TMEM63C: variants seen among roughly 807,000 people sequenced by gnomAD.
The protein encoded by TMEM63C is osmosensitive cation channel TMEM63C.
In TMEM63C, 32 loss-of-function variants were observed where a neutral mutation model predicts 99.2. The observed-to-expected ratio is 0.32, with a 90% CI of 0.24 to 0.43. The LOEUF is 0.43. TMEM63C is among the 20% of genes least tolerant of loss of function. TMEM63C has a pLI of 1.00. For missense variants in TMEM63C, 826 were observed against 1,053.0 expected (o/e 0.78, Z 2.98); for synonymous variants, 376 against 397.9 (o/e 0.94, Z 0.66).
At chr14:77,199,524 C>T (rs1042659608) in intron 1 of TMEM63C, among the ~76,000 whole-genome samples, 23 of 152,188 alleles carry the variant, frequency 1.5e-4, no homozygotes, top group Non-Finnish European at 2.4e-4. Context: ...TCTCATTTGT[C>T]CCTCTGCCTG....
At chr14:77,219,044 C>A in intron 3 of TMEM63C, 81 bp downstream of exon 3, 1 of 1,364,154 alleles carries the variant, frequency 7.3e-7, no homozygotes, top group South Asian at 1.6e-5. Flanking sequence ...GTGGGGGACC[C>A]AGTTGTCCAA....
intron 6 of TMEM63C, 24 bp downstream of exon 6, chr14:77,225,485 T>C (rs965798264): frequency 1.9e-6 from 3 of 1,611,950 alleles, no homozygotes; most frequent in Non-Finnish European, 8.5e-7. Context: ...CTCTGTGAGC[T>C]TGTGACCGTG....
At chr14:77,255,544 G>A (rs1329683064) in intron 23 of TMEM63C, among the ~76,000 whole-genome samples, 3 of 152,316 alleles carry the variant, frequency 2.0e-5, no homozygotes, top group East Asian at 3.9e-4. Flanking sequence ...TTTTCTGGCT[G>A]TTCATGATGT....
At chr14:77,223,935 G>A (rs1459124305) in intron 5 of TMEM63C, among the ~76,000 whole-genome samples, 3 of 152,108 alleles carry the variant, frequency 2.0e-5, no homozygotes, top group Non-Finnish European at 4.4e-5. Flanking sequence ...GACTCTTCAT[G>A]CAGGAGGGGT....
chr14:77,238,302 T>G (rs1463610666), intron 9 of TMEM63C, among the ~76,000 whole-genome samples: 1 of 152,148 alleles, frequency 6.6e-6, no homozygotes, highest in East Asian at 1.9e-4. Context: ...AGAGCAGAAA[T>G]CACTGTGGGG....
At chr14:77,219,755 A>C (rs1035323967) in intron 4 of TMEM63C, among the ~76,000 whole-genome samples, 178 bp downstream of exon 4, 2 of 152,164 alleles carry the variant, frequency 1.3e-5, no homozygotes, top group African/African-American at 4.8e-5. Flanking sequence ...ATCCCTGGGC[A>C]CAAGGCCGTG....
At chr14:77,251,683 G>C in intron 21 of TMEM63C, 106 bp from the exon 22 acceptor site, 1 of 848,656 alleles carries the variant, frequency 1.2e-6, no homozygotes, top group African/African-American at 1.7e-5. Context: ...GGACTGGCAA[G>C]GTCAAAGCCC....
At chr14:77,227,303 C>CAATGGGAGGGG (rs1888844761) in intron 6 of TMEM63C, among the ~76,000 whole-genome samples, 1 of 151,840 alleles carries the variant, frequency 6.6e-6, no homozygotes, top group Non-Finnish European at 1.5e-5. Context: ...ACTAGAGAAA[C>CAATGGGAGGGG]AATGGGAGGG....
chr14:77,226,040 C>G (rs1175108767), intron 6 of TMEM63C, among the ~76,000 whole-genome samples: 1 of 152,198 alleles, frequency 6.6e-6, no homozygotes. Context: ...CAACACCAGC[C>G]AGACGCTTCA....
rs936388183 is a variant in TMEM63C, at chr14:77,181,806, C to T, written c.-165C>T. ...GAGGAGGACCCGCTGGCAGTCTCCT[C>T]CCAGGTGGGGAGCGTGGAGCCTGTC... On this transcript the variant is annotated 5_prime_UTR_variant, in exon 1 of 24. Coordinates refer to ENST00000298351, the MANE Select transcript of TMEM63C (RefSeq NM_020431.4). The T allele has an allele frequency of 6.6e-6, 1 of 152,358 alleles. No homozygotes were observed. Among genetic ancestry groups the T allele is most frequent in the African/African-American group, 2.4e-5 (1 of 41,458 alleles). The allele number at this position is 152,358 out of a possible 1,614,324, so 9.4% of individuals were successfully genotyped here. A position where few individuals can be genotyped will look rare whatever the true frequency, so the allele number is the denominator to read the frequency against.
intron 1 of TMEM63C, among the ~76,000 whole-genome samples, chr14:77,209,579 G>C (rs1285708856): frequency 1.3e-5 from 2 of 152,216 alleles, no homozygotes; most frequent in African/African-American, 4.8e-5. Flanking sequence ...GGGAAAATGA[G>C]AGGATGGTCC....
At chr14:77,252,765 G>A (rs981533671) in intron 22 of TMEM63C, among the ~76,000 whole-genome samples, 1 of 152,188 alleles carries the variant, frequency 6.6e-6, no homozygotes, top group African/African-American at 2.4e-5. Flanking sequence ...AGGGCTCTGG[G>A]CACAGGTGCC....
At chr14:77,183,805 G>A (rs1264327050) in intron 1 of TMEM63C, among the ~76,000 whole-genome samples, 1 of 152,194 alleles carries the variant, frequency 6.6e-6, no homozygotes, top group African/African-American at 2.4e-5. Context: ...AAGGGATGGG[G>A]TTCCCAGTAA....
At chr14:77,197,701 C>T (rs182905782) in intron 1 of TMEM63C, among the ~76,000 whole-genome samples, 4 of 152,324 alleles carry the variant, frequency 2.6e-5, no homozygotes, top group Non-Finnish European at 4.4e-5. Context: ...CATCCAATTC[C>T]CTGGCTCTAC....
chr14:77,248,221 T>C, intron 18 of TMEM63C, 126 bp from the exon 19 acceptor site: 1 of 776,086 alleles, frequency 1.3e-6, no homozygotes, highest in Non-Finnish European at 2.1e-6. Flanking sequence ...TTATTCTCCT[T>C]GTCTGTATCT....
At chr14:77,184,551 C>T (rs984107598) in intron 1 of TMEM63C, among the ~76,000 whole-genome samples, 1 of 152,116 alleles carries the variant, frequency 6.6e-6, no homozygotes, top group Non-Finnish European at 1.5e-5. Context: ...TTGCAGGAAC[C>T]CACGTGGTGC....
At chr14:77,240,643 G>A in intron 13 of TMEM63C, 35 bp downstream of exon 13, 1 of 1,598,716 alleles carries the variant, frequency 6.3e-7, no homozygotes, top group Non-Finnish European at 8.5e-7. Context: ...CCAGCCCCAA[G>A]CATACTCCTG....
intron 1 of TMEM63C, among the ~76,000 whole-genome samples, chr14:77,206,891 A>AT (rs201045183): frequency 3.9e-4 from 50 of 127,968 alleles, no homozygotes; most frequent in African/African-American, 2.0e-3. Context: ...TTTTTCTTTT[A>AT]TTTTTTTTTA....
At chr14:77,230,623 T>A (rs1594862040) in intron 6 of TMEM63C, among the ~76,000 whole-genome samples, 1 of 152,214 alleles carries the variant, frequency 6.6e-6, no homozygotes, top group East Asian at 1.9e-4. Context: ...AATCCTATTG[T>A]GAACTGCACA....
Sources: allele counts gnomAD v4.1 joint callset (sites outside exome capture counted in the v4.1 genomes callset), GRCh38; gene constraint gnomAD v4.1.1; transcripts MANE v1.5; gene names NCBI Gene and HGNC (gene_info 2026-07-23, HGNC 2026-07-21).